The following ZNF292 variants were observed in gnomAD, a reference collection of about 807,000 sequenced individuals.
The protein encoded by ZNF292 is zinc finger protein 292, also known as 16 zinc-finger domain protein.
ZNF292 carries 26 observed loss-of-function variants against 217.9 expected under a neutral mutation model. The observed-to-expected ratio is 0.12, with a 90% CI of 0.09 to 0.17. The LOEUF (loss-of-function observed/expected upper bound fraction) is 0.17. Among genes scored for constraint, ZNF292 ranks in the 10% least tolerant of loss-of-function variants. The pLI, the probability that ZNF292 is intolerant of heterozygous loss-of-function variation, is 1.00. For synonymous variants in ZNF292, 1,257 were observed against 1,124.1 expected (o/e 1.12, Z -2.37); for missense variants, 2,904 against 3,175.2 (o/e 0.91, Z 2.05).
chr6:87,165,273 T>A (rs911886319), intron 1 of ZNF292, among the ~76,000 whole-genome samples: 2 of 152,166 alleles, frequency 1.3e-5, no homozygotes, highest in Non-Finnish European at 2.9e-5. Flanking sequence ...CTTGTAACAG[T>A]GTTTCTCAGA....
chr6:87,171,401 T>G (rs377399611), intron 1 of ZNF292, among the ~76,000 whole-genome samples: 7 of 152,088 alleles, frequency 4.6e-5, no homozygotes, highest in Middle Eastern at 3.4e-3. Flanking sequence ...TTGGTTTTTT[T>G]TTTGTTTGTT....
rs1157692390 is a variant in ZNF292 at position 87,164,809 on chromosome 6, C to G, written c.168+9050C>G. ...ATGGAGTCTTGCTCTGTCGCACAGGCTGGAGTGCAGTGGGGTGATCTCGAC... is the reference window on the plus strand; with the variant it reads ...ATGGAGTCTTGCTCTGTCGCACAGGGTGGAGTGCAGTGGGGTGATCTCGAC... On this transcript the variant is annotated intron_variant, in intron 1 of 7. Transcript: ENST00000369577. Among the ~76,000 whole-genome samples the G allele has an allele frequency of 3.2e-5, 4 of 126,460 alleles. No homozygotes were observed. The South Asian group carries it at 1.0e-3, about 33-fold the overall frequency. 83.0% of individuals were successfully genotyped at this position (126,460 alleles called of 152,430 possible). A position where few individuals can be genotyped will look rare whatever the true frequency, so the allele number is the denominator to read the frequency against.
chr6:87,179,054 A>G (rs977700096), intron 1 of ZNF292, among the ~76,000 whole-genome samples: 3 of 152,092 alleles, frequency 2.0e-5, no homozygotes, highest in African/African-American at 7.2e-5. Context: ...CTATAGTGAT[A>G]GCAATTTGTT....
At position 87,255,327 on chromosome 6, in the gene ZNF292, T is replaced by A; in HGVS notation, c.1698T>A (p.Asp566Glu). 1 of 1,613,826 alleles carries A rather than the reference T, an allele frequency of 6.2e-7. No homozygotes were observed. Among genetic ancestry groups the A allele is most frequent in the Non-Finnish European group, 8.5e-7 (1 of 1,179,824 alleles). The stretch of plus-strand genomic sequence containing the variant: ...GACATGCTCAGAAACATTACAAAGA[T>A]GGAATTTATAGTTGCCCCATATGTG... ...IVRHAQKHYK[D>E]GIYSCPICAK... is the part of the protein sequence containing the mutation. Residue 566 changes from aspartate (D) to glutamate (E), a missense_variant, in exon 8 of 8, where the codon GAT becomes GAA. Physicochemically the swap from Asp to Glu is conservative, Grantham distance 45. Transcript: ENST00000369577.
intron 1 of ZNF292, among the ~76,000 whole-genome samples, chr6:87,201,195 G>C (rs570869801): frequency 2.5e-4 from 38 of 152,232 alleles, no homozygotes; most frequent in African/African-American, 8.9e-4. Context: ...TGTATTATTT[G>C]CGAATATGAG....
chr6:87,160,483 GTATATA>G (rs764353115), intron 1 of ZNF292, among the ~76,000 whole-genome samples: 14 of 145,644 alleles, frequency 9.6e-5, no homozygotes, highest in African/African-American at 2.9e-4. Context: ...ACATGTGTTT[GTATATA>G]TATGTGTGTG....
chr6:87,246,094 G>A (rs1465906222), intron 7 of ZNF292, among the ~76,000 whole-genome samples: 1 of 152,120 alleles, frequency 6.6e-6, no homozygotes. Flanking sequence ...AGCCAGGTGT[G>A]GTGGCGTGCA....
Position 87,258,865 on chromosome 6 carries a change from A to G in ZNF292, c.5236A>G (p.Ile1746Val). The G allele has an allele frequency of 6.2e-7, 1 of 1,609,158 alleles. No individual in the cohort carries two copies. The highest frequency in any genetic ancestry group is 8.5e-7 in the Non-Finnish European group (1 of 1,177,312). ...AACTTCAATAAATTCTGATTTGCAGATTTCTGAAGACAATGTTATACAAAA... is the reference window on the plus strand; with the variant it reads ...AACTTCAATAAATTCTGATTTGCAGGTTTCTGAAGACAATGTTATACAAAA... ...CTTSINSDLQ[I>V]SEDNVIQNFE... Residue 1746 changes from isoleucine to valine, a missense_variant, in exon 8 of 8, where the codon ATT (isoleucine) becomes GTT (valine). Ile to Val is a conservative substitution (Grantham distance 29, BLOSUM62 3). Coordinates refer to ENST00000369577, the MANE Select transcript of ZNF292 (RefSeq NM_015021.3).
chr6:87,200,547 T>TGAAA (rs1772074025), intron 1 of ZNF292, among the ~76,000 whole-genome samples: 3 of 152,322 alleles, frequency 2.0e-5, no homozygotes, highest in Middle Eastern at 6.8e-3. Context: ...TTTCCAAGAT[T>TGAAA]GAAACCCTTT....
intron 7 of ZNF292, among the ~76,000 whole-genome samples, chr6:87,251,282 T>G (rs150816674): frequency 6.6e-6 from 1 of 152,298 alleles, no homozygotes; most frequent in Non-Finnish European, 1.5e-5. Flanking sequence ...TGGTAATTAT[T>G]TAAAGAGTTT....
intron 1 of ZNF292, among the ~76,000 whole-genome samples, chr6:87,206,149 A>G (rs1772246529): frequency 6.6e-6 from 1 of 152,230 alleles, no homozygotes; most frequent in Non-Finnish European, 1.5e-5. Flanking sequence ...GAAGCATAAA[A>G]GAAAACAAGA....
chr6:87,156,232 C>A (rs1047647852), intron 1 of ZNF292, among the ~76,000 whole-genome samples: 1 of 152,226 alleles, frequency 6.6e-6, no homozygotes, highest in Admixed American at 6.5e-5. Context: ...GTCCCGCCCC[C>A]CAGCCCCGGC....
At chr6:87,165,839 A>G (rs1260578799) in intron 1 of ZNF292, among the ~76,000 whole-genome samples, 1 of 150,616 alleles carries the variant, frequency 6.6e-6, no homozygotes, top group Non-Finnish European at 1.5e-5. Context: ...GCTCACTGCA[A>G]CCTCTGCCTC....
intron 1 of ZNF292, among the ~76,000 whole-genome samples, chr6:87,165,235 T>A (rs1025500703): frequency 6.6e-6 from 1 of 152,238 alleles, no homozygotes; most frequent in Non-Finnish European, 1.5e-5. Flanking sequence ...AAAGTTCTGC[T>A]TTTGTCTTTC....
chr6:87,220,985 A>T (rs1464315847), intron 4 of ZNF292, among the ~76,000 whole-genome samples: 1 of 152,132 alleles, frequency 6.6e-6, no homozygotes, highest in Non-Finnish European at 1.5e-5. Context: ...AAATGAGTAT[A>T]CCTCTATAGG....
intron 5 of ZNF292, among the ~76,000 whole-genome samples, 191 bp from the exon 6 acceptor site, chr6:87,243,280 GTTTT>G (rs58565257): frequency 1.5e-5 from 2 of 136,234 alleles, no homozygotes; most frequent in African/African-American, 2.7e-5. Context: ...ATAAAGAAAG[GTTTT>G]TTTTTTTTTT....
rs780594213 is a variant in ZNF292 at position 87,155,684 on chromosome 6, G to A, written c.93G>A (p.Glu31=). 1 of 1,589,924 alleles carries A rather than the reference G, an allele frequency of 6.3e-7. No individual in the cohort carries two copies. Among genetic ancestry groups the A allele is most frequent in the African/African-American group, 1.3e-5 (1 of 74,676 alleles). Residue 31 remains glutamate, a synonymous_variant, in exon 1 of 8, where the codon GAG becomes GAA. Transcript: ENST00000369577. ...ELQRLGERLQ[E]LELQLRESRV... ...AGCGCCTGGGCGAGCGGCTCCAGGA[G>A]CTGGAGCTACAGCTGCGGGAGAGCC...
chr6:87,220,744 T>A (rs73483790), intron 4 of ZNF292, among the ~76,000 whole-genome samples: 12,440 of 152,260 alleles, frequency 0.082, 861 homozygotes, highest in African/African-American at 0.19. Flanking sequence ...TGTTAACCAA[T>A]GTCTCTGCCC....
At chr6:87,197,389 C>T (rs1771979502) in intron 1 of ZNF292, among the ~76,000 whole-genome samples, 1 of 148,626 alleles carries the variant, frequency 6.7e-6, no homozygotes, top group African/African-American at 2.5e-5. Flanking sequence ...AACCTGAGTA[C>T]AATTTGAGAA....
Sources: gnomAD v4.1 joint callset for allele counts (sites outside exome capture counted in the v4.1 genomes callset) on GRCh38, gnomAD v4.1.1 for gene constraint, MANE v1.5 for transcripts, NCBI Gene and HGNC (gene_info 2026-07-23, HGNC 2026-07-21) for gene names.